Variants in MGAT5 observed in about 807,000 individuals in gnomAD.
MGAT5 encodes alpha-1,6-mannosylglycoprotein 6-beta-N-acetylglucosaminyltransferase.
MGAT5 carries 30 observed loss-of-function variants against 94.3 expected under a neutral mutation model. The ratio of observed to expected loss-of-function variants is 0.32; its 90% confidence interval spans 0.24 to 0.43. The LOEUF (loss-of-function observed/expected upper bound fraction) is 0.43, where lower values mean the gene tolerates loss of function less well. Ranked by LOEUF, MGAT5 falls within the 20% of genes least tolerant of loss-of-function variation. MGAT5 has a pLI of 1.00. For missense variants in MGAT5, 691 were observed against 905.5 expected (o/e 0.76, Z 3.04); for synonymous variants, 310 against 322.9 (o/e 0.96, Z 0.43).
chr2:134,336,936 ACTT>A (rs1305677634), intron 5 of MGAT5, among the ~76,000 whole-genome samples: 2 of 152,188 alleles, frequency 1.3e-5, no homozygotes, highest in African/African-American at 2.4e-5. Flanking sequence ...AGATCACTAA[ACTT>A]CTACAAAATA....
intron 1 of MGAT5, among the ~76,000 whole-genome samples, chr2:134,133,564 C>T (rs1558949409): frequency 6.6e-6 from 1 of 152,186 alleles, no homozygotes; most frequent in Non-Finnish European, 1.5e-5. Flanking sequence ...TGAGAAAAAT[C>T]CCCCAAATAG....
At chr2:134,391,365 G>C (rs559780201) in intron 10 of MGAT5, among the ~76,000 whole-genome samples, 31 of 152,304 alleles carry the variant, frequency 2.0e-4, no homozygotes, top group African/African-American at 7.5e-4. Context: ...CAGTTAGTTA[G>C]CCTTGGCTGA....
chr2:134,273,034 C>T (rs1008750863), intron 2 of MGAT5, among the ~76,000 whole-genome samples: 9 of 148,776 alleles, frequency 6.0e-5, no homozygotes, highest in East Asian at 2.0e-4. Flanking sequence ...CGCGCGCGTG[C>T]GCGTGCATGC....
intron 9 of MGAT5, among the ~76,000 whole-genome samples, chr2:134,351,240 G>A (rs6430511): frequency 0.99 from 150,835 of 152,298 alleles, 74,700 homozygotes; most frequent in East Asian, 1. Context: ...TTTTTGGCAC[G>A]TTAGATAACA....
At chr2:134,349,228 T>A (rs1426725988) in intron 8 of MGAT5, among the ~76,000 whole-genome samples, 1 of 152,186 alleles carries the variant, frequency 6.6e-6, no homozygotes, top group African/African-American at 2.4e-5. Context: ...CACTTGTATC[T>A]TCAAGTTCTA....
intron 1 of MGAT5, among the ~76,000 whole-genome samples, chr2:134,148,640 C>T (rs1220647790): frequency 2.6e-5 from 4 of 152,108 alleles, no homozygotes; most frequent in Non-Finnish European, 4.4e-5. Flanking sequence ...ACATTATCCA[C>T]GATGAGATTA....
At chr2:134,274,936 C>A (rs1442645312) in intron 2 of MGAT5, among the ~76,000 whole-genome samples, 2 of 152,184 alleles carry the variant, frequency 1.3e-5, no homozygotes, top group African/African-American at 4.8e-5. Flanking sequence ...TATTATTATT[C>A]TTACCATTTG....
At chr2:134,252,645 A>G (rs1029967915), upstream of MGAT5, among the ~76,000 whole-genome samples, 12 of 152,104 alleles carry the variant, frequency 7.9e-5, no homozygotes, top group African/African-American at 1.2e-4. Flanking sequence ...ACATTTGGAG[A>G]ACCACTGGTC....
At chr2:134,432,955 G>C (rs943820791) in intron 14 of MGAT5, among the ~76,000 whole-genome samples, 2 of 152,136 alleles carry the variant, frequency 1.3e-5, no homozygotes, top group Admixed American at 1.3e-4. Flanking sequence ...AGACCATAAA[G>C]TTCACTGCAT....
chr2:134,171,898 T>A (rs995822825), intron 1 of MGAT5, among the ~76,000 whole-genome samples: 3 of 152,068 alleles, frequency 2.0e-5, no homozygotes, highest in African/African-American at 7.2e-5. Context: ...ATGTTATGCT[T>A]TGGGGCCATC....
At chr2:134,283,203 G>A (rs1684806461) in intron 2 of MGAT5, among the ~76,000 whole-genome samples, 1 of 152,144 alleles carries the variant, frequency 6.6e-6, no homozygotes, top group African/African-American at 2.4e-5. Context: ...CTGTGGTGAA[G>A]TCATTTAGAG....
chr2:134,402,007 C>G (rs993553771), intron 10 of MGAT5, among the ~76,000 whole-genome samples: 4 of 152,180 alleles, frequency 2.6e-5, no homozygotes, highest in African/African-American at 9.7e-5. Flanking sequence ...CCCTTGTGGT[C>G]TTAAGTCACA....
intron 10 of MGAT5, among the ~76,000 whole-genome samples, chr2:134,400,508 C>A (rs913086648): frequency 6.6e-6 from 1 of 152,114 alleles, no homozygotes; most frequent in Non-Finnish European, 1.5e-5. Context: ...CCTGAACTTG[C>A]CCCCTTGTTA....
chr2:134,190,323 T>G (rs1662239657), intron 1 of MGAT5, among the ~76,000 whole-genome samples: 1 of 152,230 alleles, frequency 6.6e-6, no homozygotes, highest in Admixed American at 6.5e-5. Flanking sequence ...ATGTTTGATT[T>G]TTGTAGCAAG....
intron 10 of MGAT5, among the ~76,000 whole-genome samples, chr2:134,375,946 G>T (rs1681142570): frequency 6.6e-6 from 1 of 152,192 alleles, no homozygotes; most frequent in African/African-American, 2.4e-5. Flanking sequence ...GTACAGGGCT[G>T]CCCCAGAGGG....
chr2:134,360,568 T>A (rs1401474593), intron 9 of MGAT5, among the ~76,000 whole-genome samples: 1 of 91,018 alleles, frequency 1.1e-5, no homozygotes, highest in African/African-American at 2.6e-5. Flanking sequence ...AAACACCTGA[T>A]CCTGAAGTAT....
intron 1 of MGAT5, among the ~76,000 whole-genome samples, chr2:134,214,805 C>T (rs997484622): frequency 6.6e-6 from 1 of 151,934 alleles, no homozygotes; most frequent in Non-Finnish European, 1.5e-5. Flanking sequence ...AAACCAGTAC[C>T]CTTGATTTTA....
At chr2:134,403,174 G>T in intron 11 of MGAT5, 37 bp downstream of exon 11, 1 of 1,560,270 alleles carries the variant, frequency 6.4e-7, no homozygotes. Context: ...TCAGGTTATT[G>T]CCATTGGCTG....
chr2:134,226,169 A>G (rs1056484457), intron 1 of MGAT5, among the ~76,000 whole-genome samples: 4 of 152,220 alleles, frequency 2.6e-5, no homozygotes, highest in African/African-American at 4.8e-5. Flanking sequence ...AAGTCATGTT[A>G]TCTTTACATC....
Sources: allele counts gnomAD v4.1 joint callset (sites outside exome capture counted in the v4.1 genomes callset), GRCh38; gene constraint gnomAD v4.1.1; transcripts MANE v1.5; gene names NCBI Gene and HGNC (gene_info 2026-07-23, HGNC 2026-07-21).